The following NCBP3 variants were observed in gnomAD, a reference collection of about 807,000 sequenced individuals.
NCBP3 encodes nuclear cap binding subunit 3.
Under a neutral mutation model 75.7 loss-of-function variants are expected in NCBP3, and 20 were observed. The observed-to-expected ratio is 0.26, with a 90% confidence interval of 0.19 to 0.38. The LOEUF (loss-of-function observed/expected upper bound fraction) is 0.38, where lower values mean the gene tolerates loss of function less well. NCBP3 is among the 10% of genes least tolerant of loss of function. The pLI is 1.00. For synonymous variants in NCBP3, 293 were observed against 290.5 expected, an observed-to-expected ratio of 1.01 and a Z score of -0.09; for missense variants, 678 against 796.9, an observed-to-expected ratio of 0.85 and a Z score of 1.80.
intron 5 of NCBP3, 84 bp downstream of exon 5, chr17:3,826,003 G>A: frequency 1.3e-6 from 2 of 1,483,388 alleles, no homozygotes; most frequent in Non-Finnish European, 1.8e-6. Context: ...TTGGTGATGA[G>A]ATGCTATATA....
At chr17:3,843,215 C>A in intron 1 of NCBP3, 64 bp from the exon 2 acceptor site, 1 of 1,317,380 alleles carries the variant, frequency 7.6e-7, no homozygotes, top group South Asian at 1.3e-5. Context: ...TAATAAAAGT[C>A]GGCCTGACAT....
At chr17:3,822,481 C>G (rs1005712849) in intron 7 of NCBP3, 1 of 156,532 alleles carries the variant, frequency 6.4e-6, no homozygotes, top group African/African-American at 2.4e-5. Context: ...ATTAAGGAAA[C>G]AGACTACATA....
chr17:3,819,274 T>A (rs775833858), intron 9 of NCBP3, among the ~76,000 whole-genome samples: 6 of 152,132 alleles, frequency 3.9e-5, no homozygotes, highest in Non-Finnish European at 8.8e-5. Flanking sequence ...GAGAAACATA[T>A]GGGCCCAGCG....
intron 3 of NCBP3, among the ~76,000 whole-genome samples, chr17:3,834,435 G>C (rs2053940241): frequency 6.6e-6 from 1 of 152,198 alleles, no homozygotes; most frequent in Non-Finnish European, 1.5e-5. Context: ...TTGTAAAAGA[G>C]CTAATGAAGA....
chr17:3,826,721 AAG>A (rs1491586639), intron 4 of NCBP3, among the ~76,000 whole-genome samples: 1 of 145,944 alleles, frequency 6.9e-6, no homozygotes, highest in African/African-American at 2.6e-5. Context: ...GGAAGGAAGG[AAG>A]GAGAGAGAGA....
intron 4 of NCBP3, among the ~76,000 whole-genome samples, chr17:3,826,567 G>T (rs946982365): frequency 6.6e-6 from 1 of 151,962 alleles, no homozygotes; most frequent in African/African-American, 2.4e-5. Context: ...GGATATTGAG[G>T]CTGCAGTATG....
Position 3,829,235 on chromosome 17 carries a change from G to A in NCBP3, c.481+8C>T, listed in dbSNP as rs1012787968. ...AAGCATATTCACAGGAAACTCGGGT[G>A]TACTTACAGGAGGTATCATCCAACC... is the stretch of plus-strand genomic sequence containing the variant. On this transcript the variant is annotated splice_region_variant and intron_variant, in intron 4 of 12. Coordinates refer to ENST00000389005, the MANE Select transcript of NCBP3 (RefSeq NM_001114118.3). 8 of 1,550,830 alleles carry A rather than the reference G, an allele frequency of 5.2e-6. No homozygotes were observed. The highest frequency in any genetic ancestry group is 7.0e-6 in the Non-Finnish European group (8 of 1,146,602).
chr17:3,830,854 A>T (rs895558210), intron 3 of NCBP3, among the ~76,000 whole-genome samples: 2 of 150,576 alleles, frequency 1.3e-5, no homozygotes, highest in Non-Finnish European at 1.5e-5. Flanking sequence ...AAGTGCTGGG[A>T]TTACAGGTGT....
At chr17:3,815,153 T>C (rs1429626593) in intron 11 of NCBP3, among the ~76,000 whole-genome samples, 1 of 152,194 alleles carries the variant, frequency 6.6e-6, no homozygotes, top group Non-Finnish European at 1.5e-5. Context: ...TTATCCATTC[T>C]GTCTCCACCG....
chr17:3,817,275 A>G (rs2053553155), intron 10 of NCBP3, among the ~76,000 whole-genome samples: 1 of 152,160 alleles, frequency 6.6e-6, no homozygotes, highest in Non-Finnish European at 1.5e-5. Context: ...GGTAATAGCT[A>G]AGGCTGGTGA....
rs1008304297 is a variant in NCBP3, at chr17:3,818,640, C to T, written c.1001-68G>A. The T allele has an allele frequency of 3.3e-6, 5 of 1,501,346 alleles. No homozygotes were observed. The highest frequency in any genetic ancestry group is 2.3e-5 in the East Asian group (1 of 44,184). 93.0% of individuals were successfully genotyped at this position (1,501,346 alleles called of 1,614,324 possible). A position where few individuals can be genotyped will look rare whatever the true frequency, so the allele number is the denominator to read the frequency against. On this transcript the variant is annotated intron_variant, in intron 9 of 12. Coordinates refer to ENST00000389005, the MANE Select transcript of NCBP3 (RefSeq NM_001114118.3). This position sits in a 1 kb window ranked among gnomAD's most constrained non-coding sequence, Gnocchi z 4.7. ...TTAACAAGTATGATTTTCTACTCTA[C>T]ATCGGTGACCTTTTTAAAAGGTGGG...
At position 3,832,111 on chromosome 17, in the gene NCBP3, G is replaced by T. The variant is rs1396726897; in HGVS notation, c.356-2743C>A. ...AGGCAGGATAATCACTCGAACCTGG[G>T]AGGCAGAGGTTGCAGTAAGCCGAGA... is the stretch of plus-strand genomic sequence containing the variant. On this transcript the variant is annotated intron_variant, in intron 3 of 12. Coordinates refer to ENST00000389005, the MANE Select transcript of NCBP3 (RefSeq NM_001114118.3). Among the ~76,000 whole-genome samples, 9 of 113,628 alleles carry T rather than the reference G, an allele frequency of 7.9e-5. 3 individuals carry two copies. Among genetic ancestry groups the T allele is most frequent in the Non-Finnish European group, 1.5e-4 (7 of 47,162 alleles). The allele number at this position is 113,628 out of a possible 152,430, so 74.5% of individuals were successfully genotyped here.
At chr17:3,832,764 T>C (rs1317641741) in intron 3 of NCBP3, among the ~76,000 whole-genome samples, 1 of 152,216 alleles carries the variant, frequency 6.6e-6, no homozygotes, top group African/African-American at 2.4e-5. Context: ...AGATATATGC[T>C]ATTACTTCCA....
intron 1 of NCBP3, among the ~76,000 whole-genome samples, chr17:3,845,255 A>G (rs188784866): frequency 6.6e-6 from 1 of 152,310 alleles, no homozygotes; most frequent in East Asian, 1.9e-4. Flanking sequence ...ACCTTTCTCC[A>G]TAACTTCAGT....
Position 3,819,081 on chromosome 17 carries a change from C to T in NCBP3, c.1001-509G>A, listed in dbSNP as rs528862035. Among the ~76,000 whole-genome samples, 6 of 151,898 alleles carry T rather than the reference C, an allele frequency of 4.0e-5. No individual in the cohort carries two copies. The East Asian group carries it at 1.2e-3, about 29-fold the overall frequency. On this transcript the variant is annotated intron_variant, in intron 9 of 12. Transcript: ENST00000389005. ...GTGCCTGCTGCTAGTGATTTCACTGCTTAAAATGGCCCTGAGTGTCGTGCC... is the reference window on the plus strand; with the variant it reads ...GTGCCTGCTGCTAGTGATTTCACTGTTTAAAATGGCCCTGAGTGTCGTGCC...
At chr17:3,815,449 G>A (rs1015219903) in intron 11 of NCBP3, among the ~76,000 whole-genome samples, 6 of 152,218 alleles carry the variant, frequency 3.9e-5, no homozygotes, top group African/African-American at 1.4e-4. Flanking sequence ...TACGGCTAAA[G>A]ACCTGCTGAA....
rs1035044709 is a variant in NCBP3 at position 3,804,905 on chromosome 17, C to T, written c.*8139G>A. 2 of 152,244 alleles carry T rather than the reference C, an allele frequency of 1.3e-5. No individual in the cohort carries two copies. The highest frequency in any genetic ancestry group is 2.9e-5 in the Non-Finnish European group (2 of 68,062). The allele number at this position is 152,244 out of a possible 1,614,324, so 9.4% of individuals were successfully genotyped here. A position where few individuals can be genotyped will look rare whatever the true frequency, so the allele number is the denominator to read the frequency against. On this transcript the variant is annotated 3_prime_UTR_variant, in exon 13 of 13. Transcript: ENST00000389005. ...GGACTCCAAACAGGCCTGTTTCCTC[C>T]AGAATCAGGACTCTGAACCACCACA...
rs2053440995 is a variant in NCBP3 at position 3,812,682 on chromosome 17, G to T, written c.*362C>A. The T allele has an allele frequency of 9.4e-7, 1 of 1,064,528 alleles. No individual in the cohort carries two copies. Among genetic ancestry groups the T allele is most frequent in the East Asian group, 8.0e-5 (1 of 12,440 alleles). 65.9% of individuals were successfully genotyped at this position (1,064,528 alleles called of 1,614,324 possible). ...GTCAGGGCCAAGGCAATAGTGAGAA[G>T]TTCAGTTCTCTGCTCTTTGGATGAA... is the stretch of plus-strand genomic sequence containing the variant. On this transcript the variant is annotated 3_prime_UTR_variant, in exon 13 of 13. Coordinates refer to ENST00000389005, the MANE Select transcript of NCBP3 (RefSeq NM_001114118.3).
chr17:3,805,266 G>A lies in NCBP3; in HGVS notation c.*7778C>T, dbSNP rs1184528188. On this transcript the variant is annotated 3_prime_UTR_variant, in exon 13 of 13. Coordinates refer to ENST00000389005, the MANE Select transcript of NCBP3 (RefSeq NM_001114118.3). ...AGGTGTGAGCCACGTGCCCAGCTAG[G>A]TGGTGTGTAAACTTTAAAAAAGCAG... The A allele has an allele frequency of 6.6e-6, 1 of 152,022 alleles. No individual in the cohort carries two copies. Among genetic ancestry groups the A allele is most frequent in the Non-Finnish European group, 1.5e-5 (1 of 67,966 alleles). 9.4% of individuals were successfully genotyped at this position (152,022 alleles called of 1,614,324 possible). A position where few individuals can be genotyped will look rare whatever the true frequency, so the allele number is the denominator to read the frequency against.
Sources: gnomAD v4.1 joint callset for allele counts (sites outside exome capture counted in the v4.1 genomes callset) on GRCh38, gnomAD v4.1.1 for gene constraint, Gnocchi (gnomAD v3.1) non-coding constraint, MANE v1.5 for transcripts, NCBI Gene and HGNC (gene_info 2026-07-23, HGNC 2026-07-21) for gene names.